The following ZNF652 variants were observed in gnomAD, a reference collection of about 807,000 sequenced individuals.
ZNF652 encodes zinc finger protein 652.
Under a neutral mutation model 45.2 loss-of-function variants are expected in ZNF652, and 16 were observed. The ratio of observed to expected loss-of-function variants is 0.35; its 90% CI spans 0.24 to 0.54. The LOEUF (loss-of-function observed/expected upper bound fraction) is 0.54, where lower values mean the gene tolerates loss of function less well. Among genes scored for constraint, ZNF652 ranks in the 20% least tolerant of loss-of-function variants. The probability of loss-of-function intolerance (pLI) is 0.91; values close to 1 mark genes in which losing one functional copy is unlikely to be tolerated. For synonymous variants in ZNF652, 250 were observed against 260.6 expected (o/e 0.96, Z 0.39); for missense variants, 614 against 765.6 (o/e 0.80, Z 2.34).
At chr17:49,299,846 TC>T (rs2069528136) in intron 5 of ZNF652, among the ~76,000 whole-genome samples, 1 of 150,124 alleles carries the variant, frequency 6.7e-6, no homozygotes, top group Non-Finnish European at 1.5e-5. Flanking sequence ...CGCCTGGCTA[TC>T]TTTTTTTTTT....
chr17:49,336,572 G>C (rs1037495963), intron 1 of ZNF652, among the ~76,000 whole-genome samples: 6 of 151,370 alleles, frequency 4.0e-5, no homozygotes, highest in Non-Finnish European at 8.8e-5. Flanking sequence ...CAAGTGATCT[G>C]CCTGCCTCAG....
intron 1 of ZNF652, among the ~76,000 whole-genome samples, chr17:49,335,871 G>A (rs1355569102): frequency 6.6e-6 from 1 of 152,120 alleles, no homozygotes; most frequent in African/African-American, 2.4e-5. Flanking sequence ...CTTTCTTAGG[G>A]TAGACAGAGA....
intron 1 of ZNF652, among the ~76,000 whole-genome samples, chr17:49,360,426 A>C (rs1363072634): frequency 6.6e-6 from 1 of 152,220 alleles, no homozygotes; most frequent in African/African-American, 2.4e-5. Flanking sequence ...CCATGAACCC[A>C]AACAAAGATT....
In ZNF652 at chr17:49,291,105, A is replaced by T. The variant is rs2069399320; in HGVS notation, c.*7308T>A. On this transcript the variant is annotated 3_prime_UTR_variant, in exon 6 of 6. Coordinates refer to ENST00000430262, the MANE Select transcript of ZNF652 (RefSeq NM_001145365.3). ...ATGTCACACTGTTTCTTTTTAAACT[A>T]ATGAATTGAATTAATAGAGCATGAA... 6.6e-6 allele frequency: 1 copy of T among 152,248 alleles called. No individual in the cohort carries two copies. The highest frequency in any genetic ancestry group is 2.4e-5 in the African/African-American group (1 of 41,470). The allele number at this position is 152,248 out of a possible 1,614,324, so 9.4% of individuals were successfully genotyped here. A position where few individuals can be genotyped will look rare whatever the true frequency, so the allele number is the denominator to read the frequency against.
At chr17:49,315,406 TAC>T (rs2069787938) in intron 2 of ZNF652, among the ~76,000 whole-genome samples, 2 of 152,106 alleles carry the variant, frequency 1.3e-5, no homozygotes, top group African/African-American at 2.4e-5. Context: ...AAGAACAAAG[TAC>T]AGTGTTCTTT....
At chr17:49,312,622 T>A in intron 3 of ZNF652, 76 bp downstream of exon 3, 1 of 1,514,004 alleles carries the variant, frequency 6.6e-7, no homozygotes, top group Non-Finnish European at 8.9e-7. Context: ...CCTCATATCC[T>A]GCCCAATCCA....
intron 1 of ZNF652, among the ~76,000 whole-genome samples, chr17:49,352,129 C>T (rs1253828752): frequency 1.3e-5 from 2 of 152,184 alleles, no homozygotes; most frequent in Non-Finnish European, 2.9e-5. Flanking sequence ...TACTGTTTAA[C>T]TCCAATGGAC....
At chr17:49,339,129 A>C (rs1209175093) in intron 1 of ZNF652, among the ~76,000 whole-genome samples, 1 of 150,882 alleles carries the variant, frequency 6.6e-6, no homozygotes, top group African/African-American at 2.4e-5. Flanking sequence ...TGTGATCAGG[A>C]GGGGAATGGA....
chr17:49,351,082 T>C (rs1310452954), intron 1 of ZNF652, among the ~76,000 whole-genome samples: 1 of 148,994 alleles, frequency 6.7e-6, no homozygotes, highest in African/African-American at 2.5e-5. Context: ...TTTATATATA[T>C]TTTAAACTTT....
chr17:49,340,559 A>AAAG (rs2070134489), intron 1 of ZNF652, among the ~76,000 whole-genome samples: 1 of 131,070 alleles, frequency 7.6e-6, no homozygotes, highest in African/African-American at 2.8e-5. Context: ...CAAAAAAAAA[A>AAAG]AAAAAAAAAA....
In ZNF652 at chr17:49,298,086, G is replaced by T; in HGVS notation, c.*327C>A. 3.3e-6 allele frequency: 1 copy of T among 303,152 alleles called. No homozygotes were observed. Among genetic ancestry groups the T allele is most frequent in the Non-Finnish European group, 6.2e-6 (1 of 161,174 alleles). The allele number at this position is 303,152 out of a possible 1,614,324, so 18.8% of individuals were successfully genotyped here. On this transcript the variant is annotated 3_prime_UTR_variant, in exon 6 of 6. Transcript: ENST00000430262. ...TATCCCCTCTTTGAGGAGAAGTCTG[G>T]GATATAAAAGCAAGCATACCTCATC...
intron 1 of ZNF652, among the ~76,000 whole-genome samples, chr17:49,323,501 C>A (rs115906820): frequency 0.015 from 2,335 of 152,314 alleles, 33 homozygotes; most frequent in Non-Finnish European, 0.025. Flanking sequence ...CTATGAATCA[C>A]AAATGTTCTT....
chr17:49,320,313 G>A (rs1567924754), intron 1 of ZNF652, among the ~76,000 whole-genome samples: 1 of 152,070 alleles, frequency 6.6e-6, no homozygotes, highest in East Asian at 1.9e-4. Flanking sequence ...TGGAATTTCA[G>A]GAAGGAGTGG....
At chr17:49,358,182 A>C (rs2070357305) in intron 1 of ZNF652, among the ~76,000 whole-genome samples, 1 of 152,194 alleles carries the variant, frequency 6.6e-6, no homozygotes, top group African/African-American at 2.4e-5. Flanking sequence ...GTTCAATATC[A>C]TAAGACCAGT....
chr17:49,345,670 T>G (rs1411059971), intron 1 of ZNF652, among the ~76,000 whole-genome samples: 1 of 150,778 alleles, frequency 6.6e-6, no homozygotes, highest in Non-Finnish European at 1.5e-5. Context: ...TGAATCCCTG[T>G]CTCTACTAAA....
Position 49,292,781 on chromosome 17 carries a change from G to T in ZNF652, c.*5632C>A, listed in dbSNP as rs1329047211. On this transcript the variant is annotated 3_prime_UTR_variant, in exon 6 of 6. Transcript: ENST00000430262. ...TCAACAGAGAGACGAAATATGTGAA[G>T]AAATAAGATATAAATAAAAGTTAAA... Among the ~76,000 whole-genome samples the T allele has an allele frequency of 6.6e-6, 1 of 152,132 alleles. No homozygotes were observed. The highest frequency in any genetic ancestry group is 2.4e-5 in the African/African-American group (1 of 41,426).
At chr17:49,307,242 G>C (rs2069642095) in intron 5 of ZNF652, among the ~76,000 whole-genome samples, 1 of 150,632 alleles carries the variant, frequency 6.6e-6, no homozygotes. Flanking sequence ...TTAGAGCCTG[G>C]CCAACACGGT....
intron 5 of ZNF652, among the ~76,000 whole-genome samples, chr17:49,307,595 A>G (rs1053720509): frequency 6.6e-6 from 1 of 150,886 alleles, no homozygotes; most frequent in Non-Finnish European, 1.5e-5. Flanking sequence ...ACAAAAAAAA[A>G]AAAAAAATAG....
chr17:49,334,717 T>C (rs1487679588), intron 1 of ZNF652, among the ~76,000 whole-genome samples: 2 of 150,592 alleles, frequency 1.3e-5, no homozygotes, highest in African/African-American at 4.9e-5. Context: ...AGGCAGAGGT[T>C]GCAGTGAGCT....
Sources: gnomAD v4.1 joint callset for allele counts (sites outside exome capture counted in the v4.1 genomes callset) on GRCh38, gnomAD v4.1.1 for gene constraint, MANE v1.5 for transcripts, NCBI Gene and HGNC (gene_info 2026-07-23, HGNC 2026-07-21) for gene names.